GAS7: variants seen among roughly 807,000 people sequenced by gnomAD.
GAS7 encodes the protein growth arrest-specific protein 7.
GAS7 carries 28 observed loss-of-function variants against 71.1 expected under a neutral mutation model. The observed-to-expected ratio is 0.39, with a 90% confidence interval of 0.29 to 0.54. The LOEUF (loss-of-function observed/expected upper bound fraction) is 0.54. Ranked by LOEUF, GAS7 falls within the 20% of genes least tolerant of loss-of-function variation. GAS7 has a pLI of 0.62. For missense variants in GAS7, 436 were observed against 627.8 expected (o/e 0.69, Z 3.27); for synonymous variants, 258 against 245.8 (o/e 1.05, Z -0.46).
At chr17:9,989,295 T>C (rs1179103213) in intron 2 of GAS7, among the ~76,000 whole-genome samples, 1 of 152,172 alleles carries the variant, frequency 6.6e-6, no homozygotes, top group African/African-American at 2.4e-5. Flanking sequence ...TTTTAATCTA[T>C]AAACAACCCT....
intron 1 of GAS7, among the ~76,000 whole-genome samples, chr17:10,123,674 C>A (rs1190990482): frequency 6.6e-6 from 1 of 152,220 alleles, no homozygotes; most frequent in Non-Finnish European, 1.5e-5. Context: ...CAGCCACCAG[C>A]CCTCACCTAG....
intron 8 of GAS7, among the ~76,000 whole-genome samples, chr17:9,934,936 A>G (rs2068344556): frequency 6.6e-6 from 1 of 152,170 alleles, no homozygotes; most frequent in African/African-American, 2.4e-5. Context: ...GGGTTTTGCC[A>G]TGTTGGCCAG....
chr17:10,093,075 G>A (rs1438840862), intron 1 of GAS7, among the ~76,000 whole-genome samples: 1 of 152,156 alleles, frequency 6.6e-6, no homozygotes, highest in Non-Finnish European at 1.5e-5. Context: ...CGCTAACTGT[G>A]CTGCTGCTCA....
At chr17:10,059,045 C>T (rs540904484) in intron 1 of GAS7, among the ~76,000 whole-genome samples, 4 of 152,224 alleles carry the variant, frequency 2.6e-5, no homozygotes, top group African/African-American at 9.6e-5. Flanking sequence ...TACACCCACA[C>T]GCTGCCTGGT....
intron 8 of GAS7, 146 bp from the exon 9 acceptor site, chr17:9,934,390 C>A: frequency 1.6e-6 from 1 of 645,126 alleles, no homozygotes; most frequent in Non-Finnish European, 2.8e-6. Flanking sequence ...AGAAACCAGA[C>A]ATGAGCATCA....
At position 10,142,084 on chromosome 17, in the gene GAS7, CG is replaced by C. The variant is rs563173193; in HGVS notation, c.183+56123del. On this transcript the variant is annotated intron_variant, in intron 1 of 13. Coordinates refer to ENST00000432992, the MANE Select transcript of GAS7 (RefSeq NM_201433.2). ...TCTACTAAAAACACAAAAAATTAGC[CG>C]GGCGTGGTGGCAGGTGCCTGTAGTC... 3.2e-4 allele frequency among the ~76,000 whole-genome samples: 48 copies of C among 151,962 alleles called. 1 individual carries two copies. The South Asian group carries it at 9.5e-3, about 30-fold the overall frequency.
chr17:10,063,729 A>G (rs1179129787), intron 1 of GAS7, among the ~76,000 whole-genome samples: 1 of 151,806 alleles, frequency 6.6e-6, no homozygotes, highest in Non-Finnish European at 1.5e-5. Flanking sequence ...TTAACTCATC[A>G]CCTCCACTCT....
intron 5 of GAS7, among the ~76,000 whole-genome samples, chr17:9,947,710 CTCCAGCCTT>C (rs946924319): frequency 4.0e-5 from 6 of 151,098 alleles, no homozygotes; most frequent in African/African-American, 1.2e-4. Context: ...CACCATTGCT[CTCCAGCCTT>C]GCAGTGAGCT....
At chr17:9,957,619 A>C in intron 5 of GAS7, among the ~76,000 whole-genome samples, 1 of 129,692 alleles carries the variant, frequency 7.7e-6, no homozygotes. Context: ...ATTTCAGAAG[A>C]CTCTGGAGAG....
At chr17:9,927,840 G>A (rs2068065590) in intron 9 of GAS7, among the ~76,000 whole-genome samples, 1 of 152,160 alleles carries the variant, frequency 6.6e-6, no homozygotes, top group African/African-American at 2.4e-5. Context: ...GAGACCTGCT[G>A]GAAACTCACA....
intron 1 of GAS7, 148 bp from the exon 2 acceptor site, chr17:10,020,045 C>T (rs921511345): frequency 8.6e-6 from 6 of 693,976 alleles, no homozygotes; most frequent in African/African-American, 1.8e-5. Flanking sequence ...AGAGGCAGCA[C>T]ACACGTGACC....
chr17:10,019,460 A>G (rs1039969067), intron 2 of GAS7, among the ~76,000 whole-genome samples: 2 of 152,050 alleles, frequency 1.3e-5, no homozygotes, highest in African/African-American at 4.8e-5. Flanking sequence ...CTTTTGAGAC[A>G]CCCTTCAGAA....
intron 1 of GAS7, among the ~76,000 whole-genome samples, chr17:10,185,539 T>C (rs1567625033): frequency 1.3e-5 from 2 of 152,200 alleles, no homozygotes; most frequent in Non-Finnish European, 2.9e-5. Flanking sequence ...GTATCCTTTA[T>C]AGTAAACCAG....
intron 2 of GAS7, among the ~76,000 whole-genome samples, chr17:10,001,983 T>C (rs780147797): frequency 1.7e-4 from 26 of 152,006 alleles, no homozygotes; most frequent in Non-Finnish European, 8.8e-5. Flanking sequence ...GGTATTGAAA[T>C]GTAGGGGACA....
chr17:10,092,124 C>T (rs1173779762), intron 1 of GAS7, among the ~76,000 whole-genome samples: 2 of 152,134 alleles, frequency 1.3e-5, no homozygotes, highest in Admixed American at 6.6e-5. Flanking sequence ...CAGGCCAAGT[C>T]GGTGTCCACC....
chr17:10,117,100 C>T (rs1454333826), intron 1 of GAS7, among the ~76,000 whole-genome samples: 6 of 152,154 alleles, frequency 3.9e-5, no homozygotes, highest in Non-Finnish European at 8.8e-5. Flanking sequence ...AAGATGTCTG[C>T]AGGGCTGGCT....
intron 2 of GAS7, among the ~76,000 whole-genome samples, chr17:9,995,185 C>A (rs79321369): frequency 2.6e-5 from 4 of 152,298 alleles, no homozygotes; most frequent in Admixed American, 2.6e-4. Context: ...CTATCCCTCC[C>A]ACCAGATGTA....
intron 2 of GAS7, among the ~76,000 whole-genome samples, chr17:10,010,112 TTTCTATATA>T (rs1329006455): frequency 6.6e-6 from 1 of 152,048 alleles, no homozygotes; most frequent in Non-Finnish European, 1.5e-5. Flanking sequence ...AGGGACTTCA[TTTCTATATA>T]TGTAAAACAA....
At chr17:10,127,925 G>GCA (rs140326736) in intron 1 of GAS7, among the ~76,000 whole-genome samples, 18 of 152,134 alleles carry the variant, frequency 1.2e-4, no homozygotes, top group South Asian at 2.1e-4. Context: ...TCTCAACGGA[G>GCA]CACACACACA....
Sources: allele counts gnomAD v4.1 joint callset (sites outside exome capture counted in the v4.1 genomes callset), GRCh38; gene constraint gnomAD v4.1.1; transcripts MANE v1.5; gene names NCBI Gene and HGNC (gene_info 2026-07-23, HGNC 2026-07-21).